ULK2: variants seen among roughly 807,000 people sequenced by gnomAD.
The protein encoded by ULK2 is unc-51 like autophagy activating kinase 2.
In ULK2, 76 loss-of-function variants were observed where a neutral mutation model predicts 127.5. The ratio of observed to expected loss-of-function variants is 0.60; its 90% confidence interval spans 0.50 to 0.72. The LOEUF (loss-of-function observed/expected upper bound fraction) is 0.72. Among genes scored for constraint, ULK2 ranks in the 30% least tolerant of loss-of-function variants. The pLI is 0.00. For synonymous variants in ULK2, 452 were observed against 461.9 expected, an observed-to-expected ratio of 0.98 and a Z score of 0.28; for missense variants, 1,144 against 1,295.9, an observed-to-expected ratio of 0.88 and a Z score of 1.80.
chr17:19,824,196 A>T (rs1170975335), intron 12 of ULK2, among the ~76,000 whole-genome samples: 2 of 152,012 alleles, frequency 1.3e-5, no homozygotes, highest in Non-Finnish European at 2.9e-5. Flanking sequence ...GCCGTGGCTC[A>T]CACTTTGGGA....
intron 15 of ULK2, among the ~76,000 whole-genome samples, chr17:19,804,336 GA>G (rs781746825): frequency 3.3e-5 from 5 of 152,176 alleles, no homozygotes; most frequent in Non-Finnish European, 7.4e-5. Context: ...CAGGATGGGG[GA>G]AAAAGTAAAC....
chr17:19,863,602 G>A lies in ULK2; in HGVS notation c.225+1201C>T, dbSNP rs144695461. On this transcript the variant is annotated intron_variant, in intron 3 of 26. Coordinates refer to ENST00000395544, the MANE Select transcript of ULK2 (RefSeq NM_014683.4). ...CAGCCTTGAACTCCTGTGCTCAAGC[G>A]ATCTTCCTGCCTCAGCCTCCTGAGT... is the stretch of plus-strand genomic sequence containing the variant. 6.2e-3 allele frequency among the ~76,000 whole-genome samples: 936 copies of A among 151,358 alleles called. 6 individuals carry two copies. Among genetic ancestry groups the A allele is most frequent in the African/African-American group, 0.021 (877 of 41,244 alleles).
chr17:19,783,838 A>G lies in ULK2; in HGVS notation c.2319T>C (p.Pro773=). ...GAGGGGAAGAGCCGAAGCCTGGGCC[A>G]GGCGGGGACCCCACGCACACGCGGC... ...MSGRVCVGSP[P]GPGFGSSPPG... is the part of the protein sequence containing the mutation. Residue 773 remains proline (P), a synonymous_variant, in exon 22 of 27, where the codon CCT becomes CCC. Coordinates refer to ENST00000395544, the MANE Select transcript of ULK2 (RefSeq NM_014683.4). The G allele has an allele frequency of 6.3e-7, 1 of 1,596,962 alleles. No homozygotes were observed. Among genetic ancestry groups the G allele is most frequent in the Non-Finnish European group, 8.5e-7 (1 of 1,171,936 alleles).
In ULK2 at chr17:19,816,729, C is replaced by CA. The variant is rs1485800803; in HGVS notation, c.1096+19dup. 4 of 1,544,874 alleles carry CA rather than the reference C, an allele frequency of 2.6e-6. No homozygotes were observed. The highest frequency in any genetic ancestry group is 1.3e-5 in the South Asian group (1 of 77,520). On this transcript the variant is annotated intron_variant, in intron 13 of 26. Coordinates refer to ENST00000395544, the MANE Select transcript of ULK2 (RefSeq NM_014683.4). ...AGTAGATTAAGAAATACAATGTGTA[C>CA]AAGTAGAAAAGATTCTCACATGAGT...
At chr17:19,865,468 C>T (rs973362149) in intron 2 of ULK2, among the ~76,000 whole-genome samples, 2 of 152,082 alleles carry the variant, frequency 1.3e-5, no homozygotes, top group African/African-American at 2.4e-5. Flanking sequence ...TCTGCCTGGC[C>T]CTCTTCTCAA....
intron 12 of ULK2, among the ~76,000 whole-genome samples, chr17:19,818,221 G>A (rs567300908): frequency 2.6e-5 from 4 of 151,868 alleles, no homozygotes; most frequent in South Asian, 2.1e-4. Flanking sequence ...TACTCGGGGG[G>A]TTGAGGCAGG....
intron 1 of ULK2, among the ~76,000 whole-genome samples, chr17:19,867,084 G>C (rs1195215553): frequency 6.6e-6 from 1 of 152,192 alleles, no homozygotes; most frequent in African/African-American, 2.4e-5. Flanking sequence ...GGACCGCGGG[G>C]TGGGCCCCGG....
chr17:19,828,720 C>G (rs1026064536), intron 10 of ULK2, among the ~76,000 whole-genome samples: 6 of 152,190 alleles, frequency 3.9e-5, no homozygotes, highest in African/African-American at 1.4e-4. Context: ...CTTTCCTCAT[C>G]AGTAATTACT....
intron 14 of ULK2, among the ~76,000 whole-genome samples, chr17:19,806,490 C>A (rs1028074326): frequency 2.0e-5 from 3 of 152,204 alleles, no homozygotes; most frequent in Non-Finnish European, 4.4e-5. Context: ...TCTGGTTCCT[C>A]CCCCTACCAG....
chr17:19,819,203 C>T (rs1222820488), intron 12 of ULK2, among the ~76,000 whole-genome samples: 1 of 152,190 alleles, frequency 6.6e-6, no homozygotes, highest in Admixed American at 6.5e-5. Context: ...AATGCCTTTA[C>T]TAAGATTATC....
chr17:19,815,138 C>T (rs1197597079), intron 13 of ULK2, among the ~76,000 whole-genome samples: 2 of 152,120 alleles, frequency 1.3e-5, no homozygotes, highest in East Asian at 1.9e-4. Flanking sequence ...CACAAAAACC[C>T]TGTGTTAAGT....
intron 9 of ULK2, among the ~76,000 whole-genome samples, chr17:19,839,041 AAAG>A (rs1323520147): frequency 6.6e-6 from 1 of 151,846 alleles, no homozygotes; most frequent in African/African-American, 2.4e-5. Context: ...AAAAAAAAAA[AAAG>A]AAGGAAAAAA....
At chr17:19,818,179 C>A (rs899221635) in intron 12 of ULK2, among the ~76,000 whole-genome samples, 3 of 151,946 alleles carry the variant, frequency 2.0e-5, no homozygotes, top group Non-Finnish European at 4.4e-5. Flanking sequence ...AAAAATTAGC[C>A]GGGCATGACG....
intron 13 of ULK2, among the ~76,000 whole-genome samples, chr17:19,814,419 T>TACATATATAC (rs1179974040): frequency 1.2e-4 from 2 of 16,214 alleles, no homozygotes; most frequent in African/African-American, 3.6e-4. Context: ...TACATATATA[T>TACATATATAC]ATATATATAT....
intron 12 of ULK2, among the ~76,000 whole-genome samples, chr17:19,822,970 G>A (rs1051650316): frequency 1.3e-5 from 2 of 150,370 alleles, no homozygotes. Flanking sequence ...ACAGGCGTGA[G>A]TCACCACACC....
In ULK2 at chr17:19,865,782, A is replaced by G. The variant is rs765216167; in HGVS notation, c.137T>C (p.Leu46Ser). The G allele has an allele frequency of 6.4e-7, 1 of 1,566,154 alleles. No homozygotes were observed. The highest frequency in any genetic ancestry group is 2.3e-5 in the East Asian group (1 of 44,214). ...VAIKSINKKN[L>S]SKSQILLGKE... Reference sequence around the variant, plus strand: ...TCCAAGCAGTATTTGTGATTTTGACAAGTTCTTTTTATTAATACTTTTAAT... The same window carrying G: ...TCCAAGCAGTATTTGTGATTTTGACGAGTTCTTTTTATTAATACTTTTAAT... Residue 46 changes from leucine to serine, a missense_variant, in exon 2 of 27, where the codon TTG becomes TCG. By Grantham distance (145) the Leu-to-Ser change is moderately radical (BLOSUM62 -2). Around this residue, in one of 2 missense-constraint regions of ULK2, gnomAD observed 231 missense variants for 325.4 expected, o/e 0.71. Transcript: ENST00000395544.
At chr17:19,792,840 G>A (rs2087185457) in intron 20 of ULK2, among the ~76,000 whole-genome samples, 1 of 151,944 alleles carries the variant, frequency 6.6e-6, no homozygotes, top group African/African-American at 2.4e-5. Context: ...AAACAGTCTT[G>A]AAAAAGAACA....
intron 16 of ULK2, among the ~76,000 whole-genome samples, chr17:19,800,812 C>G (rs1176229575): frequency 1.3e-5 from 2 of 152,180 alleles, no homozygotes; most frequent in Non-Finnish European, 2.9e-5. Flanking sequence ...CTGTTCTTCC[C>G]ACCACCTCAG....
chr17:19,858,288 T>G (rs2042173602), intron 3 of ULK2, among the ~76,000 whole-genome samples: 1 of 151,876 alleles, frequency 6.6e-6, no homozygotes, highest in African/African-American at 2.4e-5. Context: ...TAGTCCCAGA[T>G]ACTTTGAAGG....
Sources: allele counts gnomAD v4.1 joint callset (sites outside exome capture counted in the v4.1 genomes callset), GRCh38; gene constraint gnomAD v4.1.1; regional missense constraint gnomAD v4.1.1; transcripts MANE v1.5; gene names NCBI Gene and HGNC (gene_info 2026-07-23, HGNC 2026-07-21).